The following SLC52A3 variants were observed in gnomAD, a reference collection of about 807,000 sequenced individuals.
The protein encoded by SLC52A3 is solute carrier family 52 member 3.
A neutral mutation model predicts 29.5 loss-of-function variants in SLC52A3; 20 were observed. The ratio of observed to expected loss-of-function variants is 0.68; its 90% CI spans 0.48 to 0.99. The LOEUF (loss-of-function observed/expected upper bound fraction) is 0.99. Ranked by LOEUF, SLC52A3 falls within the 50% of genes least tolerant of loss-of-function variation. The pLI is 0.00. For missense variants in SLC52A3, 548 were observed against 612.9 expected (o/e 0.89, Z 1.12); for synonymous variants, 301 against 271.0 (o/e 1.11, Z -1.09).
At chr20:770,984 C>T (rs1986827672), upstream of SLC52A3, among the ~76,000 whole-genome samples, 1 of 152,170 alleles carries the variant, frequency 6.6e-6, no homozygotes, top group African/African-American at 2.4e-5. The surrounding 1 kb of genome is among the most constrained non-coding windows in gnomAD (Gnocchi z 4.5). Flanking sequence ...TACTAGGCTC[C>T]TTTGGGATTT....
intron 1 of SLC52A3, among the ~76,000 whole-genome samples, chr20:767,313 A>G (rs910263521): frequency 6.6e-6 from 1 of 152,006 alleles, no homozygotes; most frequent in Non-Finnish European, 1.5e-5. Context: ...GCAACCCTTG[A>G]AGGACACACA....
rs537857982 is a variant in SLC52A3 at position 765,938 on chromosome 20, T to C, written c.-51-113A>G. 3.0e-3 allele frequency: 702 copies of C among 234,000 alleles called. 3 individuals carry two copies. The highest frequency in any genetic ancestry group is 7.0e-3 in the South Asian group (114 of 16,228). The allele number at this position is 234,000 out of a possible 1,614,324, so 14.5% of individuals were successfully genotyped here. A position where few individuals can be genotyped will look rare whatever the true frequency, so the allele number is the denominator to read the frequency against. On this transcript the variant is annotated intron_variant, in intron 1 of 4. Coordinates refer to ENST00000645534, the MANE Select transcript of SLC52A3 (RefSeq NM_033409.4). This position sits in a 1 kb window ranked among gnomAD's most constrained non-coding sequence, Gnocchi z 6.6. ...CTCCCCTTCCTGTGAACAAGCTGGC[T>C]TTTTTTTTTTTCCTTTGAGACATAG...
chr20:771,226 C>T (rs1370593889), upstream of SLC52A3, among the ~76,000 whole-genome samples: 8 of 152,112 alleles, frequency 5.3e-5, no homozygotes, highest in Admixed American at 2.0e-4. Flanking sequence ...TCAAGACCAG[C>T]CTCCAACTGG....
Position 765,798 on chromosome 20 carries a change from G to A in SLC52A3, c.-24C>T, listed in dbSNP as rs766606966. 20 of 1,606,920 alleles carry A rather than the reference G, an allele frequency of 1.2e-5. No homozygotes were observed. The highest frequency in any genetic ancestry group is 1.7e-5 in the Non-Finnish European group (20 of 1,177,184). ...ATGGCGGTATCTGCCCTGGGCCAGA[G>A]GCTTTCTCAGATCAGCCTGCAGCGG... On this transcript the variant is annotated 5_prime_UTR_variant, in exon 2 of 5. Transcript: ENST00000645534. The surrounding 1 kb of genome is among the most constrained non-coding windows in gnomAD (Gnocchi z 6.6).
chr20:765,358 G>A lies in SLC52A3; in HGVS notation c.417C>T (p.Thr139=), dbSNP rs968335720. Residue 139 remains threonine, a synonymous_variant, in exon 2 of 5, where the codon ACC becomes ACT. Transcript: ENST00000645534. The surrounding 1 kb of genome is among the most constrained non-coding windows in gnomAD (Gnocchi z 6.6). The part of the protein sequence containing the change: ...FMSRLPTYYL[T]TFFVGEGLSG... The stretch of plus-strand genomic sequence containing the variant: ...TGAGTCCTTCACCCACAAAGAAGGT[G>A]GTGAGGTAGTAGGTGGGCAGCCGGC... 6.2e-7 allele frequency: 1 copy of A among 1,614,164 alleles called. No individual in the cohort carries two copies. Among genetic ancestry groups the A allele is most frequent in the African/African-American group, 1.3e-5 (1 of 75,038 alleles).
chr20:771,986 T>A (rs542997957), upstream of SLC52A3, among the ~76,000 whole-genome samples: 3 of 152,280 alleles, frequency 2.0e-5, no homozygotes, highest in South Asian at 6.2e-4. Context: ...ATGATATACC[T>A]AGTAAAGAGG....
chr20:765,307 A>T lies in SLC52A3; in HGVS notation c.468T>A (p.Ala156=). The change falls in exon 2 of 5, where the codon GCT becomes GCA. Residue 156 remains alanine, a synonymous_variant. Transcript: ENST00000645534. This position sits in a 1 kb window ranked among gnomAD's most constrained non-coding sequence, Gnocchi z 6.6. ...GLSGLLPALV[A]LAQGSGLTTC... Reference sequence around the variant, plus strand: ...TAGTGAGACCGGAGCCCTGGGCAAGAGCCACCAGGGCGGGCAAGAGGCCGC... The same window carrying T: ...TAGTGAGACCGGAGCCCTGGGCAAGTGCCACCAGGGCGGGCAAGAGGCCGC... 2 of 1,614,136 alleles carry T rather than the reference A, an allele frequency of 1.2e-6. No homozygotes were observed. The highest frequency in any genetic ancestry group is 1.3e-5 in the African/African-American group (1 of 75,032).
intron 4 of SLC52A3, 110 bp downstream of exon 4, chr20:761,591 A>T: frequency 6.6e-7 from 1 of 1,512,446 alleles, no homozygotes; most frequent in Non-Finnish European, 9.0e-7. Flanking sequence ...GCTTCCCGGG[A>T]GGGTCCCACA....
upstream of SLC52A3, among the ~76,000 whole-genome samples, chr20:778,239 T>C (rs1486246829): frequency 6.6e-6 from 1 of 152,174 alleles, no homozygotes; most frequent in East Asian, 1.9e-4. Flanking sequence ...GGTCCCGAAC[T>C]CCTGACCTCA....
In SLC52A3 at chr20:761,451, C is replaced by G; in HGVS notation, c.1198-213G>C. 4 of 747,208 alleles carry G rather than the reference C, an allele frequency of 5.4e-6. No homozygotes were observed. In the South Asian group the frequency reaches 5.6e-5, roughly 10 times the overall value. 46.3% of individuals were successfully genotyped at this position (747,208 alleles called of 1,614,324 possible). Reference sequence around the variant, plus strand: ...AGTGGCTTTTCTGGGTTCACGTGCCCATGATCAGGGCAAGGGCCCTTGAGA... The same window carrying G: ...AGTGGCTTTTCTGGGTTCACGTGCCGATGATCAGGGCAAGGGCCCTTGAGA... On this transcript the variant is annotated intron_variant, in intron 4 of 4. Coordinates refer to ENST00000645534, the MANE Select transcript of SLC52A3 (RefSeq NM_033409.4).
chr20:770,469 T>G (rs1986814936), upstream of SLC52A3, among the ~76,000 whole-genome samples: 1 of 152,218 alleles, frequency 6.6e-6, no homozygotes, highest in African/African-American at 2.4e-5. This position sits in a 1 kb window ranked among gnomAD's most constrained non-coding sequence, Gnocchi z 4.5. Context: ...TAAATCTGAC[T>G]GATTTTCAAT....
At chr20:773,765 A>G (rs1203006763) in intron 1 of SLC52A3, among the ~76,000 whole-genome samples, 1 of 152,182 alleles carries the variant, frequency 6.6e-6, no homozygotes, top group Non-Finnish European at 1.5e-5. Flanking sequence ...AGTTCCAGGC[A>G]AAGGTTTCTC....
Position 761,757 on chromosome 20 carries a change from C to T in SLC52A3, c.1141G>A (p.Ala381Thr). ...TCFGGYNMAM[A>T]VMSPCPLLQG... The stretch of plus-strand genomic sequence containing the variant: ...AAGAGGGGGCAGGGGCTCATCACCG[C>T]CATGGCCATGTTGTAGCCCCCAAAG... The change falls in exon 4 of 5, where the codon GCG (alanine) becomes ACG (threonine). Residue 381 changes from alanine (A) to threonine (T), a missense_variant. By Grantham distance (58) the Ala-to-Thr change is moderately conservative. Transcript: ENST00000645534. The T allele has an allele frequency of 1.9e-6, 3 of 1,614,180 alleles. No homozygotes were observed. The highest frequency in any genetic ancestry group is 2.5e-6 in the Non-Finnish European group (3 of 1,180,012).
intron 1 of SLC52A3, among the ~76,000 whole-genome samples, chr20:775,268 CTT>C (rs57095806): frequency 3.5e-4 from 47 of 133,570 alleles, no homozygotes; most frequent in African/African-American, 1.2e-3. Context: ...GGGGCCCAGT[CTT>C]TTTTTTTTTT....
chr20:761,671 C>A, intron 4 of SLC52A3, 30 bp downstream of exon 4: 1 of 1,612,218 alleles, frequency 6.2e-7, no homozygotes, highest in East Asian at 2.2e-5. Context: ...GGGTACGCAG[C>A]GGGAGCAGCC....
chr20:766,495 A>G (rs1986689535), intron 1 of SLC52A3, among the ~76,000 whole-genome samples: 1 of 152,212 alleles, frequency 6.6e-6, no homozygotes, highest in Non-Finnish European at 1.5e-5. Flanking sequence ...AAGAATCACA[A>G]AAGAAGTGAA....
chr20:775,065 C>G (rs1269422583), intron 1 of SLC52A3, among the ~76,000 whole-genome samples: 4 of 152,218 alleles, frequency 2.6e-5, no homozygotes, highest in Non-Finnish European at 2.9e-5. Context: ...CTTCCCCCTT[C>G]TCCTCCCTCC....
At chr20:778,517 C>T (rs1987129983), upstream of SLC52A3, among the ~76,000 whole-genome samples, 1 of 152,046 alleles carries the variant, frequency 6.6e-6, no homozygotes, top group Admixed American at 6.6e-5. Context: ...TATGGTTTCT[C>T]TCCTGTTACT....
In SLC52A3 at chr20:760,874, G is replaced by T. The variant is rs1986433792; in HGVS notation, c.*152C>A. ...ATAGAGCCGCACCTTGCATTTCCAG[G>T]TGCCATCTTCCCCACAGTCCCCAGT... is the stretch of plus-strand genomic sequence containing the variant. On this transcript the variant is annotated 3_prime_UTR_variant, in exon 5 of 5. Coordinates refer to ENST00000645534, the MANE Select transcript of SLC52A3 (RefSeq NM_033409.4). This position sits in a 1 kb window ranked among gnomAD's most constrained non-coding sequence, Gnocchi z 4.9. The T allele has an allele frequency of 4.1e-6, 3 of 738,090 alleles. No individual in the cohort carries two copies. The Admixed American group carries it at 7.5e-5, about 19-fold the overall frequency. The allele number at this position is 738,090 out of a possible 1,614,324, so 45.7% of individuals were successfully genotyped here.
Sources: gnomAD v4.1 joint callset for allele counts (sites outside exome capture counted in the v4.1 genomes callset) on GRCh38, gnomAD v4.1.1 for gene constraint, Gnocchi (gnomAD v3.1) non-coding constraint, MANE v1.5 for transcripts, NCBI Gene and HGNC (gene_info 2026-07-23, HGNC 2026-07-21) for gene names.